The following RBFOX1 variants were observed in gnomAD, a reference collection of about 807,000 sequenced individuals.
RBFOX1 encodes the protein RNA binding protein fox-1 homolog 1.
A neutral mutation model predicts 57.7 loss-of-function variants in RBFOX1; 8 were observed. The ratio of observed to expected loss-of-function variants is 0.14; its 90% CI spans 0.08 to 0.25. The LOEUF (loss-of-function observed/expected upper bound fraction) is 0.25. RBFOX1 is among the 10% of genes least tolerant of loss of function. RBFOX1 has a pLI of 1.00. For synonymous variants in RBFOX1, 326 were observed against 222.4 expected (o/e 1.47, Z -4.15); for missense variants, 611 against 548.5 (o/e 1.11, Z -1.14).
At chr16:6,588,128 G>A (rs2097656924) in intron 2 of RBFOX1, among the ~76,000 whole-genome samples, 1 of 151,986 alleles carries the variant, frequency 6.6e-6, no homozygotes, top group African/African-American at 2.4e-5. Flanking sequence ...CTACTCGGGA[G>A]GCTGAGGCAG....
chr16:6,772,362 A>C (rs190360729), intron 3 of RBFOX1, among the ~76,000 whole-genome samples: 1 of 152,164 alleles, frequency 6.6e-6, no homozygotes, highest in Non-Finnish European at 1.5e-5. Flanking sequence ...TTATGCAGCA[A>C]TGCAGCTGTC....
chr16:6,052,587 A>G lies in RBFOX1; in HGVS notation c.-127+32595A>G, dbSNP rs1357777042. On this transcript the variant is annotated intron_variant, in intron 1 of 15. Coordinates refer to ENST00000550418, the MANE Select transcript of RBFOX1 (RefSeq NM_018723.4). ...ATCACGAGGTCAGGAGATCGACACC[A>G]TCCTGGCTAACTTGGTGAAACTCTG... 3.3e-5 allele frequency among the ~76,000 whole-genome samples: 5 copies of G among 152,064 alleles called. No individual in the cohort carries two copies. The East Asian group carries it at 7.8e-4, about 24-fold the overall frequency.
At chr16:6,779,443 A>G (rs993983710) in intron 3 of RBFOX1, among the ~76,000 whole-genome samples, 8 of 151,800 alleles carry the variant, frequency 5.3e-5, no homozygotes, top group African/African-American at 1.9e-4. Flanking sequence ...TTGATTTCAT[A>G]ACTTGGCTGT....
At chr16:7,273,456 C>T (rs918215170) in intron 4 of RBFOX1, among the ~76,000 whole-genome samples, 27 of 152,044 alleles carry the variant, frequency 1.8e-4, no homozygotes, top group Non-Finnish European at 2.8e-4. Flanking sequence ...TAGATTCTCT[C>T]TGCTGCATCA....
At position 7,168,631 on chromosome 16, in the gene RBFOX1, C is replaced by T. The variant is rs116042495; in HGVS notation, c.27+116533C>T. On this transcript the variant is annotated intron_variant, in intron 4 of 15. Transcript: ENST00000550418. ...ATCTCAGTGGAAGCAATTTTTATGT[C>T]TTCTGCATATTTCACTGAGAAGCCT... 3.2e-3 allele frequency among the ~76,000 whole-genome samples: 482 copies of T among 152,226 alleles called. 3 individuals are homozygous for T. Among genetic ancestry groups the T allele is most frequent in the African/African-American group, 0.011 (461 of 41,524 alleles).
At chr16:7,186,487 CAT>C (rs1010464488) in intron 4 of RBFOX1, among the ~76,000 whole-genome samples, 2 of 128,268 alleles carry the variant, frequency 1.6e-5, no homozygotes, top group African/African-American at 3.1e-5. Flanking sequence ...TAAGCATAAA[CAT>C]ATTTATATAA....
chr16:6,164,669 G>T (rs1195292311), intron 1 of RBFOX1, among the ~76,000 whole-genome samples: 1 of 151,800 alleles, frequency 6.6e-6, no homozygotes, highest in African/African-American at 2.4e-5. Flanking sequence ...AGTAGAAATG[G>T]AGTTTTGCTA....
intron 2 of RBFOX1, among the ~76,000 whole-genome samples, chr16:6,340,336 G>T (rs916663531): frequency 6.6e-6 from 1 of 152,234 alleles, no homozygotes; most frequent in African/African-American, 2.4e-5. Flanking sequence ...AATGGGTTTG[G>T]ATCCAGACTC....
intron 3 of RBFOX1, among the ~76,000 whole-genome samples, chr16:5,854,628 G>T (rs904878581): frequency 6.6e-6 from 1 of 151,214 alleles, no homozygotes; most frequent in African/African-American, 2.4e-5. Flanking sequence ...CATTTTCTTC[G>T]TTCATCTGTT....
chr16:5,440,439 C>T (rs1346801452), intron 1 of RBFOX1, among the ~76,000 whole-genome samples: 2 of 152,180 alleles, frequency 1.3e-5, no homozygotes, highest in African/African-American at 2.4e-5. Flanking sequence ...AAAATTTCCA[C>T]GGTGTTGTTT....
At chr16:7,251,124 C>G (rs1191680481) in intron 4 of RBFOX1, among the ~76,000 whole-genome samples, 1 of 152,134 alleles carries the variant, frequency 6.6e-6, no homozygotes, top group African/African-American at 2.4e-5. Context: ...TCCTATCTAA[C>G]TGAAATTTTG....
At position 6,019,697 on chromosome 16, in the gene RBFOX1, C is replaced by T. The variant is rs970140414; in HGVS notation, c.-422C>T. The T allele has an allele frequency of 4.1e-5, 55 of 1,342,338 alleles. No homozygotes were observed. Among genetic ancestry groups the T allele is most frequent in the Middle Eastern group, 2.8e-4 (1 of 3,528 alleles). The allele number at this position is 1,342,338 out of a possible 1,614,324, so 83.2% of individuals were successfully genotyped here. A position where few individuals can be genotyped will look rare whatever the true frequency, so the allele number is the denominator to read the frequency against. On this transcript the variant is annotated 5_prime_UTR_variant, in exon 1 of 16. Transcript: ENST00000550418. The surrounding 1 kb of genome is among the most constrained non-coding windows in gnomAD (Gnocchi z 4.2). ...AGCAGGAGAACTCCGAGCTTCTTGC[C>T]CAGGCAGAGAGAGCAGGAGCGGACC...
intron 4 of RBFOX1, among the ~76,000 whole-genome samples, chr16:7,148,320 G>A (rs191523205): frequency 2.0e-3 from 310 of 152,234 alleles, no homozygotes; most frequent in African/African-American, 7.2e-3. Context: ...TTGTTTATAA[G>A]GAAACTCCAA....
At chr16:7,335,816 T>A (rs2144721873) in intron 4 of RBFOX1, among the ~76,000 whole-genome samples, 1 of 152,294 alleles carries the variant, frequency 6.6e-6, no homozygotes, top group East Asian at 1.9e-4. Flanking sequence ...TTGGATCTCC[T>A]GAACCCATTA....
chr16:6,230,767 G>A (rs1269901227), intron 1 of RBFOX1, among the ~76,000 whole-genome samples: 1 of 152,210 alleles, frequency 6.6e-6, no homozygotes, highest in Non-Finnish European at 1.5e-5. Flanking sequence ...CCTTCTGGGA[G>A]ATGAAGTCCA....
intron 1 of RBFOX1, among the ~76,000 whole-genome samples, chr16:6,221,965 G>T (rs5008171): frequency 0.96 from 145,953 of 152,154 alleles, 70,281 homozygotes; most frequent in East Asian, 1. Flanking sequence ...ATTTACTTTA[G>T]TCCCTATCAT....
intron 4 of RBFOX1, among the ~76,000 whole-genome samples, chr16:7,489,318 G>A (rs1024064480): frequency 6.6e-6 from 1 of 152,110 alleles, no homozygotes; most frequent in Admixed American, 6.6e-5. Flanking sequence ...ACTGCCTGAG[G>A]TACCTTTTGG....
chr16:5,539,711 T>A (rs1180075521), intron 2 of RBFOX1, among the ~76,000 whole-genome samples: 1 of 152,172 alleles, frequency 6.6e-6, no homozygotes, highest in East Asian at 1.9e-4. Context: ...TTTCCCGTTT[T>A]TCATCTCCCT....
In RBFOX1 at chr16:5,578,675, G is replaced by A. The variant is rs189315895; in HGVS notation, c.259-20227G>A. 4.6e-5 allele frequency among the ~76,000 whole-genome samples: 7 copies of A among 151,978 alleles called. No homozygotes were observed. In the East Asian group the frequency reaches 1.2e-3, roughly 25 times the overall value. On this transcript the variant is annotated intron_variant, in intron 2 of 2. Coordinates refer to the RBFOX1 transcript ENST00000585867. ...TAGATCTAAGGCCTTCAAGGTTCTCGGCAAAAATGAAACTCATCCTCAGGA... is the reference window on the plus strand; with the variant it reads ...TAGATCTAAGGCCTTCAAGGTTCTCAGCAAAAATGAAACTCATCCTCAGGA...
Sources: allele counts gnomAD v4.1 joint callset (sites outside exome capture counted in the v4.1 genomes callset), GRCh38; gene constraint gnomAD v4.1.1; non-coding constraint Gnocchi (gnomAD v3.1); transcripts MANE v1.5; gene names NCBI Gene and HGNC (gene_info 2026-07-23, HGNC 2026-07-21).